PCDHGA2: variants seen among roughly 807,000 people sequenced by gnomAD.
The protein encoded by PCDHGA2 is protocadherin gamma-A2.
Under a neutral mutation model 59.2 loss-of-function variants are expected in PCDHGA2, and 40 were observed. The ratio of observed to expected loss-of-function variants is 0.68; its 90% CI spans 0.52 to 0.88. PCDHGA2 has a LOEUF of 0.88. Ranked by LOEUF, PCDHGA2 falls within the 40% of genes least tolerant of loss-of-function variation. The pLI is 0.00. For missense variants in PCDHGA2, 1,226 were observed against 1,204.0 expected (o/e 1.02, Z -0.27); for synonymous variants, 560 against 526.0 (o/e 1.06, Z -0.89).
intron 1 of PCDHGA2, chr5:141,352,113 G>C (rs1758920100): frequency 1.2e-6 from 2 of 1,607,616 alleles, no homozygotes; most frequent in Non-Finnish European, 1.7e-6. Context: ...CTGGGGTTGC[G>C]CACGGGTGAG....
intron 1 of PCDHGA2, chr5:141,394,806 G>A: frequency 6.2e-7 from 1 of 1,613,852 alleles, no homozygotes; most frequent in Non-Finnish European, 8.5e-7. Flanking sequence ...CGTAGCCGTG[G>A]CTGACAGCAT....
At chr5:141,384,845 A>G (rs866832912) in intron 1 of PCDHGA2, 1 of 1,613,546 alleles carries the variant, frequency 6.2e-7, no homozygotes. Flanking sequence ...GTCCAGGACC[A>G]CGGTCAGCCT....
chr5:141,487,356 C>T lies in PCDHGA2; in HGVS notation c.2425-7451C>T. 6.2e-7 allele frequency: 1 copy of T among 1,614,220 alleles called. No individual in the cohort carries two copies. The highest frequency in any genetic ancestry group is 8.5e-7 in the Non-Finnish European group (1 of 1,180,042). ...GCCTGTGGAGTCACATGCTTTCCTG[C>T]TGGCACCTGTGCCTGTCTCACCAGA... On this transcript the variant is annotated intron_variant, in intron 1 of 3. Transcript: ENST00000394576. This position sits in a 1 kb window ranked among gnomAD's most constrained non-coding sequence, Gnocchi z 5.0.
chr5:141,432,946 A>G lies in PCDHGA2; in HGVS notation c.2425-61861A>G. 2 of 1,614,130 alleles carry G rather than the reference A, an allele frequency of 1.2e-6. No individual in the cohort carries two copies. The highest frequency in any genetic ancestry group is 1.1e-5 in the South Asian group (1 of 91,080). ...AGTCACGCCTGCTGCAGGCTTCAGG[A>G]GGCGGCTTGACAGGAGCGCCGGCGT... is the stretch of plus-strand genomic sequence containing the variant. On this transcript the variant is annotated intron_variant, in intron 1 of 3. Coordinates refer to ENST00000394576, the MANE Select transcript of PCDHGA2 (RefSeq NM_018915.4). This position sits in a 1 kb window ranked among gnomAD's most constrained non-coding sequence, Gnocchi z 6.0.
intron 1 of PCDHGA2, chr5:141,376,397 C>T (rs761002002): frequency 6.8e-6 from 11 of 1,614,110 alleles, no homozygotes; most frequent in South Asian, 3.3e-5. Flanking sequence ...GATTTTCCCC[C>T]AGCCCAACTA....
chr5:141,370,719 GTTGCTGA>G, intron 1 of PCDHGA2: 1 of 1,613,852 alleles, frequency 6.2e-7, no homozygotes. Flanking sequence ...ATTTGAAATG[GTTGCTGA>G]AAAGCCTTTA....
chr5:141,413,671 G>A (rs2095665360), intron 1 of PCDHGA2: 13 of 1,613,878 alleles, frequency 8.1e-6, no homozygotes, highest in Non-Finnish European at 9.3e-6. Flanking sequence ...TGATCCGGAT[G>A]TGGGCGTGAA....
chr5:141,420,205 C>T (rs776838072), intron 1 of PCDHGA2: 14 of 1,612,942 alleles, frequency 8.7e-6, no homozygotes, highest in African/African-American at 1.3e-5. Context: ...ATAACCTCAA[C>T]AAAGATAGCA....
intron 1 of PCDHGA2, among the ~76,000 whole-genome samples, chr5:141,469,716 A>G (rs1189597018): frequency 3.9e-5 from 6 of 152,260 alleles, no homozygotes; most frequent in African/African-American, 1.4e-4. Context: ...CACTATTAGG[A>G]ATTTATCATA....
chr5:141,431,719 A>G lies in PCDHGA2; in HGVS notation c.2425-63088A>G. On this transcript the variant is annotated intron_variant, in intron 1 of 3. Transcript: ENST00000394576. This position sits in a 1 kb window ranked among gnomAD's most constrained non-coding sequence, Gnocchi z 4.8. ...CAGGATTCTACCAGATGGAAGTGCA[A>G]GCAATGGATAATGCAGGATATTCTG... 6.2e-7 allele frequency: 1 copy of G among 1,614,244 alleles called. No individual in the cohort carries two copies. Among genetic ancestry groups the G allele is most frequent in the Non-Finnish European group, 8.5e-7 (1 of 1,180,050 alleles).
At chr5:141,371,758 C>T (rs2149991096) in intron 1 of PCDHGA2, 2 of 1,614,030 alleles carry the variant, frequency 1.2e-6, no homozygotes, top group Non-Finnish European at 8.5e-7. Flanking sequence ...TTCCACCAGG[C>T]CTCCTACACC....
rs770283696 is a variant in PCDHGA2, at chr5:141,385,127, T to G, written c.2424+43732T>G. On this transcript the variant is annotated intron_variant, in intron 1 of 3. Transcript: ENST00000394576. ...GTGCCCACCTCGCACTTTGTGGGCA[T>G]GGACGGGGTGCAGGCTTTCCTGCAG... is the stretch of plus-strand genomic sequence containing the variant. 6.2e-6 allele frequency: 10 copies of G among 1,614,222 alleles called. No individual in the cohort carries two copies. The South Asian group carries it at 7.7e-5, about 12-fold the overall frequency.
In PCDHGA2 at chr5:141,487,414, T is replaced by C; in HGVS notation, c.2425-7393T>C. On this transcript the variant is annotated intron_variant, in intron 1 of 3. Coordinates refer to ENST00000394576, the MANE Select transcript of PCDHGA2 (RefSeq NM_018915.4). This position sits in a 1 kb window ranked among gnomAD's most constrained non-coding sequence, Gnocchi z 5.0. The stretch of plus-strand genomic sequence containing the variant: ...GGAGGGAGGGGCTTCCCCCTTCCAA[T>C]GGGATCCTCCGAATCCAGCTAGGGT... 3.7e-6 allele frequency: 6 copies of C among 1,614,174 alleles called. No individual in the cohort carries two copies. The highest frequency in any genetic ancestry group is 5.1e-6 in the Non-Finnish European group (6 of 1,180,006).
At chr5:141,415,176 C>A in intron 1 of PCDHGA2, 2 of 1,613,934 alleles carry the variant, frequency 1.2e-6, no homozygotes, top group Non-Finnish European at 1.7e-6. Context: ...TCACCGTGGC[C>A]GTGGCCGACA....
In PCDHGA2 at chr5:141,341,554, C is replaced by T. The variant is rs151026157; in HGVS notation, c.2424+159C>T. Reference sequence around the variant, plus strand: ...TTATTTCTTGGTAGGTCTTAGTGTTCACAGGCTGTAAGAGGAAGAAGAGAC... The same window carrying T: ...TTATTTCTTGGTAGGTCTTAGTGTTTACAGGCTGTAAGAGGAAGAAGAGAC... On this transcript the variant is annotated intron_variant, in intron 1 of 3. Transcript: ENST00000394576. 2.2e-3 allele frequency: 3,043 copies of T among 1,386,336 alleles called. 9 individuals carry two copies. Among genetic ancestry groups the T allele is most frequent in the Middle Eastern group, 4.9e-3 (20 of 4,090 alleles). 85.9% of individuals were successfully genotyped at this position (1,386,336 alleles called of 1,614,324 possible).
At position 141,432,816 on chromosome 5, in the gene PCDHGA2, C is replaced by A. The variant is rs778545682; in HGVS notation, c.2425-61991C>A. Reference sequence around the variant, plus strand: ...CTCGAGTCTCCAGCTAACTCTGAAACCTCAGACCTCACTCTGTACCTGGTG... The same window carrying A: ...CTCGAGTCTCCAGCTAACTCTGAAAACTCAGACCTCACTCTGTACCTGGTG... On this transcript the variant is annotated intron_variant, in intron 1 of 3. Transcript: ENST00000394576. The surrounding 1 kb of genome is among the most constrained non-coding windows in gnomAD (Gnocchi z 6.0). The A allele has an allele frequency of 7.6e-5, 122 of 1,614,044 alleles. No individual in the cohort carries two copies. The highest frequency in any genetic ancestry group is 3.3e-5 in the Admixed American group (2 of 60,012).
intron 1 of PCDHGA2, among the ~76,000 whole-genome samples, chr5:141,494,072 C>G (rs2099751672): frequency 6.6e-6 from 1 of 152,160 alleles, no homozygotes; most frequent in Non-Finnish European, 1.5e-5. Flanking sequence ...CTGGATCCCT[C>G]CCCGCTGCAT....
chr5:141,496,993 C>G (rs981547671), intron 2 of PCDHGA2, among the ~76,000 whole-genome samples: 1 of 151,910 alleles, frequency 6.6e-6, no homozygotes, highest in South Asian at 2.1e-4. Flanking sequence ...TGAGACCAGC[C>G]TGGCAGCCAA....
chr5:141,402,965 A>G, intron 1 of PCDHGA2: 2 of 1,606,016 alleles, frequency 1.2e-6, no homozygotes, highest in Non-Finnish European at 1.7e-6. Flanking sequence ...GGCAGCTCCA[A>G]CCAAATGCCA....
Sources: allele counts gnomAD v4.1 joint callset (sites outside exome capture counted in the v4.1 genomes callset), GRCh38; gene constraint gnomAD v4.1.1; non-coding constraint Gnocchi (gnomAD v3.1); transcripts MANE v1.5; gene names NCBI Gene and HGNC (gene_info 2026-07-23, HGNC 2026-07-21).